Variants in CDH18 observed in about 807,000 individuals in gnomAD.
CDH18 encodes cadherin-18.
A neutral mutation model predicts 67.9 loss-of-function variants in CDH18; 31 were observed. The ratio of observed to expected loss-of-function variants is 0.46; its 90% CI spans 0.34 to 0.62. The LOEUF (loss-of-function observed/expected upper bound fraction) is 0.62, where lower values mean the gene tolerates loss of function less well. CDH18 is among the 20% of genes least tolerant of loss of function. The pLI, the probability that CDH18 is intolerant of heterozygous loss-of-function variation, is 0.01. For synonymous variants in CDH18, 362 were observed against 347.2 expected, an observed-to-expected ratio of 1.04 and a Z score of -0.48; for missense variants, 890 against 975.5, an observed-to-expected ratio of 0.91 and a Z score of 1.17.
At chr5:19,596,852 T>A (rs760468366) in intron 6 of CDH18, among the ~76,000 whole-genome samples, 9 of 152,310 alleles carry the variant, frequency 5.9e-5, no homozygotes, top group African/African-American at 9.6e-5. Context: ...TTGTACACTC[T>A]CCATTGAGTT....
At chr5:19,757,657 A>G (rs571652966) in intron 3 of CDH18, among the ~76,000 whole-genome samples, 27 of 152,324 alleles carry the variant, frequency 1.8e-4, no homozygotes, top group African/African-American at 5.3e-4. Flanking sequence ...AAATGTCTTC[A>G]GTTTTTGACC....
At chr5:20,443,033 C>A (rs13168391) in intron 1 of CDH18, among the ~76,000 whole-genome samples, 33,998 of 148,908 alleles carry the variant, frequency 0.23, 4,151 homozygotes, top group East Asian at 0.29. Context: ...AACGGTGAAA[C>A]CCCGTCTCTA....
At chr5:19,900,357 T>C (rs561774876) in intron 2 of CDH18, among the ~76,000 whole-genome samples, 1 of 152,312 alleles carries the variant, frequency 6.6e-6, no homozygotes, top group African/African-American at 2.4e-5. Context: ...CAATAGCGTA[T>C]ATTTTAAATA....
intron 9 of CDH18, among the ~76,000 whole-genome samples, chr5:19,535,758 T>G (rs532017607): frequency 2.0e-5 from 3 of 152,306 alleles, no homozygotes; most frequent in African/African-American, 7.2e-5. Flanking sequence ...GTATACAATA[T>G]GCAATTTTTG....
chr5:20,565,763 A>AAG (rs1321423290), intron 1 of CDH18, among the ~76,000 whole-genome samples: 14 of 151,678 alleles, frequency 9.2e-5, no homozygotes, highest in African/African-American at 3.4e-4. Context: ...TGATAAAAAA[A>AAG]AAAAAAAAGT....
upstream of CDH18, among the ~76,000 whole-genome samples, chr5:19,990,901 AGTG>A (rs1799947100): frequency 6.6e-6 from 1 of 152,216 alleles, no homozygotes. Context: ...ACTTCAAAAA[AGTG>A]GACAGTGTAT....
intron 11 of CDH18, among the ~76,000 whole-genome samples, chr5:19,495,981 G>C (rs1045804255): frequency 6.6e-6 from 1 of 152,158 alleles, no homozygotes; most frequent in Admixed American, 6.5e-5. Flanking sequence ...TGGAAATTGA[G>C]GGACATGGCT....
At chr5:20,420,853 C>CA (rs757930907) in intron 1 of CDH18, among the ~76,000 whole-genome samples, 5 of 151,090 alleles carry the variant, frequency 3.3e-5, no homozygotes, top group East Asian at 1.9e-4. Context: ...AGTAAGTCAG[C>CA]AAAAAAATCT....
At chr5:19,987,336 A>T (rs555609080) in intron 1 of CDH18, among the ~76,000 whole-genome samples, 79 of 152,226 alleles carry the variant, frequency 5.2e-4, no homozygotes, top group African/African-American at 1.8e-3. Context: ...AAATCAAGAC[A>T]AAATAATAGT....
At chr5:19,527,512 G>T (rs191714252) in intron 9 of CDH18, among the ~76,000 whole-genome samples, 1 of 151,236 alleles carries the variant, frequency 6.6e-6, no homozygotes, top group East Asian at 1.9e-4. Flanking sequence ...TTATATGAAA[G>T]GTGTATATCA....
intron 1 of CDH18, among the ~76,000 whole-genome samples, chr5:20,410,657 A>G (rs943224395): frequency 6.6e-6 from 1 of 151,578 alleles, no homozygotes; most frequent in Admixed American, 6.6e-5. Context: ...AGCAAGATCC[A>G]TTGAACATAA....
chr5:20,222,080 T>A (rs1442095120), intron 2 of CDH18, among the ~76,000 whole-genome samples: 2 of 152,060 alleles, frequency 1.3e-5, no homozygotes, highest in Non-Finnish European at 2.9e-5. Context: ...AGAGATTGAG[T>A]CTACACTTAT....
chr5:20,227,769 T>C (rs928458548), intron 2 of CDH18, among the ~76,000 whole-genome samples: 5 of 152,056 alleles, frequency 3.3e-5, no homozygotes, highest in Admixed American at 1.3e-4. Flanking sequence ...ATTACAGGGA[T>C]GAGCCACCAT....
intron 2 of CDH18, among the ~76,000 whole-genome samples, chr5:20,017,470 G>A (rs939703323): frequency 1.3e-5 from 2 of 152,036 alleles, no homozygotes; most frequent in Non-Finnish European, 1.5e-5. Flanking sequence ...ATTGAAATGC[G>A]ACATTCATTG....
chr5:20,130,656 G>A (rs1749195260), intron 2 of CDH18, among the ~76,000 whole-genome samples: 1 of 151,952 alleles, frequency 6.6e-6, no homozygotes, highest in South Asian at 2.1e-4. Context: ...ACAGTTTTGA[G>A]TCGGCAGGCC....
intron 2 of CDH18, among the ~76,000 whole-genome samples, chr5:20,152,019 G>A (rs965276332): frequency 6.7e-6 from 1 of 150,050 alleles, no homozygotes; most frequent in Non-Finnish European, 1.5e-5. Flanking sequence ...GAAGTTCAAT[G>A]AAATTATAAT....
intron 2 of CDH18, among the ~76,000 whole-genome samples, chr5:19,871,913 T>C (rs1786349172): frequency 6.6e-6 from 1 of 152,182 alleles, no homozygotes; most frequent in Non-Finnish European, 1.5e-5. Context: ...AGGATTAATG[T>C]TAATAACACT....
At chr5:19,877,332 C>T (rs1245665981) in intron 2 of CDH18, among the ~76,000 whole-genome samples, 1 of 152,044 alleles carries the variant, frequency 6.6e-6, no homozygotes, top group Admixed American at 6.6e-5. Context: ...TTACAGTATG[C>T]TTTGAATTTT....
chr5:19,667,360 T>C (rs1032680953), intron 5 of CDH18, among the ~76,000 whole-genome samples: 2 of 151,290 alleles, frequency 1.3e-5, no homozygotes, highest in African/African-American at 4.8e-5. Context: ...AGTAAATAAA[T>C]ATAATACTTA....
Sources: allele counts gnomAD v4.1 joint callset (sites outside exome capture counted in the v4.1 genomes callset), GRCh38; gene constraint gnomAD v4.1.1; transcripts MANE v1.5; gene names NCBI Gene and HGNC (gene_info 2026-07-23, HGNC 2026-07-21).